CSMD3: variants seen among roughly 807,000 people sequenced by gnomAD.
The protein encoded by CSMD3 is CUB and Sushi multiple domains 3.
Under a neutral mutation model 435.2 loss-of-function variants are expected in CSMD3, and 177 were observed. The ratio of observed to expected loss-of-function variants is 0.41; its 90% CI spans 0.36 to 0.46. CSMD3 has a LOEUF of 0.46. Among genes scored for constraint, CSMD3 ranks in the 20% least tolerant of loss-of-function variants. The pLI is 0.34. For missense variants in CSMD3, 4,265 were observed against 4,504.6 expected, an observed-to-expected ratio of 0.95 and a Z score of 1.52; for synonymous variants, 1,656 against 1,520.5, an observed-to-expected ratio of 1.09 and a Z score of -2.07.
chr8:113,220,765 G>A (rs556995987), intron 3 of CSMD3, among the ~76,000 whole-genome samples: 189 of 151,382 alleles, frequency 1.2e-3, no homozygotes, highest in Non-Finnish European at 1.8e-3. Context: ...TAATTGCAAA[G>A]GGGGAAGTAA....
chr8:112,899,224 T>C (rs2082033490), intron 10 of CSMD3, among the ~76,000 whole-genome samples: 2 of 150,990 alleles, frequency 1.3e-5, no homozygotes, highest in Non-Finnish European at 3.0e-5. Flanking sequence ...CTTACAATTG[T>C]CCCAGACTAT....
At chr8:113,039,604 C>A (rs947070494) in intron 5 of CSMD3, among the ~76,000 whole-genome samples, 4 of 151,916 alleles carry the variant, frequency 2.6e-5, no homozygotes, top group Non-Finnish European at 5.9e-5. Context: ...TGTGTTTTGT[C>A]TTTTAGAAAG....
intron 1 of CSMD3, among the ~76,000 whole-genome samples, chr8:113,354,524 A>T (rs2094209017): frequency 6.6e-6 from 1 of 152,210 alleles, no homozygotes; most frequent in Non-Finnish European, 1.5e-5. Flanking sequence ...ATATAAAATG[A>T]TCTTGCTAAA....
At chr8:112,741,334 C>G (rs2132055164) in intron 13 of CSMD3, among the ~76,000 whole-genome samples, 1 of 151,908 alleles carries the variant, frequency 6.6e-6, no homozygotes, top group East Asian at 1.9e-4. Context: ...TATTAGTGGC[C>G]AATGGGTATA....
Position 112,557,180 on chromosome 8 carries a change from G to T in CSMD3, c.4043-226C>A, listed in dbSNP as rs73330504. ...TGAAGTTTATCAATGATACCCCATGGTCTATATAATTACCATGGCTTGTGG... is the reference window on the plus strand; with the variant it reads ...TGAAGTTTATCAATGATACCCCATGTTCTATATAATTACCATGGCTTGTGG... On this transcript the variant is annotated intron_variant, in intron 24 of 70. Coordinates refer to ENST00000297405, the MANE Select transcript of CSMD3 (RefSeq NM_198123.2). Among the ~76,000 whole-genome samples the T allele has an allele frequency of 1.9e-4, 29 of 151,624 alleles. 1 individual carries two copies. Among genetic ancestry groups the T allele is most frequent in the African/African-American group, 6.8e-4 (28 of 41,354 alleles).
chr8:112,919,930 T>G (rs2082684803), intron 10 of CSMD3, among the ~76,000 whole-genome samples: 1 of 151,914 alleles, frequency 6.6e-6, no homozygotes, highest in Non-Finnish European at 1.5e-5. Context: ...CAATGTTTTT[T>G]GGGTGTAAAC....
At chr8:112,729,556 A>C (rs574593935) in intron 13 of CSMD3, among the ~76,000 whole-genome samples, 7 of 152,206 alleles carry the variant, frequency 4.6e-5, no homozygotes, top group Admixed American at 4.6e-4. Flanking sequence ...AACTTTTCGG[A>C]AAAATGATCT....
At position 112,306,153 on chromosome 8, in the gene CSMD3, C is replaced by T. The variant is rs2130788133; in HGVS notation, c.7925G>A (p.Gly2642Glu). 6.2e-7 allele frequency: 1 copy of T among 1,613,528 alleles called. No individual in the cohort carries two copies. ...TACCAAATAGTCTGTTGTTAGTATTCCTCCATTTGTTGGAGCTTTAGGAAT... is the reference window on the plus strand; with the variant it reads ...TACCAAATAGTCTGTTGTTAGTATTTCTCCATTTGTTGGAGCTTTAGGAAT... Reference protein sequence around the residue: ...CGIPKAPTNGGILTTDYLVGT... With the variant: ...CGIPKAPTNGEILTTDYLVGT... Residue 2642 changes from glycine (G) to glutamate (E), a missense_variant, in exon 51 of 71, where the codon GGA (glycine) becomes GAA (glutamate). This residue lies in a region of CSMD3 where 3,255 missense variants were observed against 3,380.2 expected (regional missense o/e 0.96). Transcript: ENST00000297405.
At chr8:113,197,655 G>A (rs2092673314) in intron 3 of CSMD3, among the ~76,000 whole-genome samples, 1 of 151,166 alleles carries the variant, frequency 6.6e-6, no homozygotes, top group Admixed American at 6.6e-5. Flanking sequence ...GAGATAATTA[G>A]CAGGATGTGC....
At chr8:112,431,076 G>A (rs1813653796) in intron 32 of CSMD3, among the ~76,000 whole-genome samples, 1 of 102,024 alleles carries the variant, frequency 9.8e-6, no homozygotes, top group Non-Finnish European at 2.7e-5. Context: ...GTCATTCCCT[G>A]CCCTCACAGA....
At chr8:112,746,629 G>T (rs892354487) in intron 13 of CSMD3, among the ~76,000 whole-genome samples, 4 of 136,652 alleles carry the variant, frequency 2.9e-5, no homozygotes, top group Non-Finnish European at 6.2e-5. Context: ...ATTAATAATA[G>T]AATAGTTATA....
rs1356212182 is a variant in CSMD3 at position 112,318,852 on chromosome 8, G to A, written c.7345C>T (p.Pro2449Ser). 10 of 1,609,210 alleles carry A rather than the reference G, an allele frequency of 6.2e-6. No homozygotes were observed. The highest frequency in any genetic ancestry group is 8.5e-6 in the Non-Finnish European group (10 of 1,176,616). ...CATTGAATACCTTGACAAACTGGAG[G>A]TGCTCCATCCATCTGCAGTCGTTCT... ...LGERLQMDGA[P>S]PVCQVLCPAN... Residue 2449 changes from proline (P) to serine (S), a missense_variant, in exon 47 of 71, where the codon CCT becomes TCT. By Grantham distance (74) the Pro-to-Ser change is moderately conservative. Coordinates refer to ENST00000297405, the MANE Select transcript of CSMD3 (RefSeq NM_198123.2).
intron 36 of CSMD3, among the ~76,000 whole-genome samples, chr8:112,385,824 T>C (rs946132476): frequency 6.6e-6 from 1 of 152,164 alleles, no homozygotes; most frequent in African/African-American, 2.4e-5. Flanking sequence ...GAAAATCTAT[T>C]GCCTAGGTGG....
chr8:113,093,627 G>A (rs936567466), intron 5 of CSMD3, among the ~76,000 whole-genome samples: 3 of 151,982 alleles, frequency 2.0e-5, no homozygotes, highest in African/African-American at 7.2e-5. Flanking sequence ...GAAAATTGGG[G>A]CATGACACTC....
chr8:113,070,017 T>G (rs2131399275), intron 5 of CSMD3, among the ~76,000 whole-genome samples: 1 of 152,200 alleles, frequency 6.6e-6, no homozygotes, highest in African/African-American at 2.4e-5. Context: ...GGAGTTAATT[T>G]GTTTCACTCC....
chr8:113,272,791 A>C (rs188129239), intron 3 of CSMD3, among the ~76,000 whole-genome samples: 2 of 152,238 alleles, frequency 1.3e-5, no homozygotes, highest in Admixed American at 6.5e-5. Flanking sequence ...TTTTCATTCT[A>C]CTTATATATT....
At chr8:112,499,538 T>C (rs1309531534) in intron 30 of CSMD3, among the ~76,000 whole-genome samples, 1 of 152,082 alleles carries the variant, frequency 6.6e-6, no homozygotes, top group Non-Finnish European at 1.5e-5. Flanking sequence ...AACGATATAA[T>C]AGACCACAAA....
At chr8:112,364,875 C>T in intron 38 of CSMD3, among the ~76,000 whole-genome samples, 1 of 152,020 alleles carries the variant, frequency 6.6e-6, no homozygotes, top group East Asian at 1.9e-4. Flanking sequence ...AATTGATTCC[C>T]ATATTCCAGT....
intron 32 of CSMD3, among the ~76,000 whole-genome samples, chr8:112,420,944 A>T (rs190303993): frequency 1.3e-5 from 2 of 152,086 alleles, no homozygotes; most frequent in East Asian, 3.9e-4. Flanking sequence ...TCCTACGCAC[A>T]CTCTGCCATG....
Sources: gnomAD v4.1 joint callset for allele counts (sites outside exome capture counted in the v4.1 genomes callset) on GRCh38, gnomAD v4.1.1 for gene constraint, gnomAD v4.1.1 regional missense constraint, MANE v1.5 for transcripts, NCBI Gene and HGNC (gene_info 2026-07-23, HGNC 2026-07-21) for gene names.